The following FBXO6 variants were observed in gnomAD, a reference collection of about 807,000 sequenced individuals.
FBXO6 encodes F-box protein 6.
Under a neutral mutation model 25.0 loss-of-function variants are expected in FBXO6, and 13 were observed. The observed-to-expected ratio is 0.52, with a 90% CI of 0.34 to 0.83. FBXO6 has a LOEUF of 0.83. Ranked by LOEUF, FBXO6 falls within the 40% of genes least tolerant of loss-of-function variation. The probability of loss-of-function intolerance (pLI) is 0.02; values close to 1 mark genes in which losing one functional copy is unlikely to be tolerated. For synonymous variants in FBXO6, 138 were observed against 155.3 expected (o/e 0.89, Z 0.83); for missense variants, 370 against 380.2 (o/e 0.97, Z 0.22).
chr1:11,667,429 T>C (rs562986164), intron 1 of FBXO6, among the ~76,000 whole-genome samples: 1 of 152,302 alleles, frequency 6.6e-6, no homozygotes, highest in South Asian at 2.1e-4. Context: ...AGGACAGTGT[T>C]GAGAGCCGGT....
At chr1:11,665,750 G>A (rs1378425084) in intron 1 of FBXO6, among the ~76,000 whole-genome samples, 24 of 151,162 alleles carry the variant, frequency 1.6e-4, no homozygotes, top group Admixed American at 1.3e-3. Flanking sequence ...TAGTAGAGAC[G>A]GGGTTTCGCC....
chr1:11,665,770 A>G (rs932250567), intron 1 of FBXO6, among the ~76,000 whole-genome samples: 1 of 151,546 alleles, frequency 6.6e-6, no homozygotes, highest in African/African-American at 2.4e-5. Context: ...CATATTGGCC[A>G]GGCTGGTCTC....
intron 1 of FBXO6, among the ~76,000 whole-genome samples, chr1:11,665,255 C>T (rs1345113211): frequency 6.1e-5 from 6 of 98,280 alleles, no homozygotes; most frequent in Admixed American, 4.7e-4. Context: ...GACGGAGTGT[C>T]GCTCTGTCGC....
Position 11,671,374 on chromosome 1 carries a change from A to G in FBXO6, c.395A>G (p.Tyr132Cys), listed in dbSNP as rs979862236. The G allele has an allele frequency of 5.6e-6, 9 of 1,613,878 alleles. No homozygotes were observed. The highest frequency in any genetic ancestry group is 2.2e-5 in the East Asian group (1 of 44,884). ...TTTCCTGACCCCAAAGTCAAGAAGTATTTTGTCACATCCTACGAGTAAGGC... is the reference window on the plus strand; with the variant it reads ...TTTCCTGACCCCAAAGTCAAGAAGTGTTTTGTCACATCCTACGAGTAAGGC... ...TDFPDPKVKK[Y>C]FVTSYEMCLK... The change falls in exon 3 of 6, where the codon TAT becomes TGT. Residue 132 changes from tyrosine to cysteine, a missense_variant. Tyr to Cys is a radical substitution (Grantham distance 194). Transcript: ENST00000376753.
intron 1 of FBXO6, among the ~76,000 whole-genome samples, chr1:11,666,037 CTTTT>C (rs70983580): frequency 5.8e-4 from 56 of 97,354 alleles, no homozygotes; most frequent in African/African-American, 1.8e-3. Context: ...TTTCTTTTCT[CTTTT>C]TTTTTTTTTT....
Position 11,673,537 on chromosome 1 carries a change from C to A in FBXO6, c.646-78C>A. 6.4e-7 allele frequency: 1 copy of A among 1,571,130 alleles called. No homozygotes were observed. The highest frequency in any genetic ancestry group is 8.7e-7 in the Non-Finnish European group (1 of 1,152,270). ...TGGAGCTGTTGCCTTCCAGCCTGGG[C>A]AGCTCTCTTAGAGGACCTGGCTCCT... On this transcript the variant is annotated intron_variant, in intron 5 of 5. Coordinates refer to ENST00000376753, the MANE Select transcript of FBXO6 (RefSeq NM_018438.6). The surrounding 1 kb of genome is among the most constrained non-coding windows in gnomAD (Gnocchi z 4.3).
chr1:11,668,894 A>C lies in FBXO6; in HGVS notation c.236A>C (p.Tyr79Ser), dbSNP rs1194101578. 1 of 1,614,060 alleles carries C rather than the reference A, an allele frequency of 6.2e-7. No individual in the cohort carries two copies. Among genetic ancestry groups the C allele is most frequent in the South Asian group, 1.1e-5 (1 of 91,086 alleles). ...CCCGTGGCCGACTGGAAAATCTTCT[A>C]CTTCCTACGGAGCCTGCATAGGAAC... ...DQPVADWKIFYFLRSLHRNLL... is the reference protein window; with the variant it reads ...DQPVADWKIFSFLRSLHRNLL... Residue 79 changes from tyrosine (Y) to serine (S), a missense_variant, in exon 2 of 6, where the codon TAC becomes TCC. Tyr to Ser is a moderately radical substitution (Grantham distance 144). Transcript: ENST00000376753.
chr1:11,674,061 T>C lies in FBXO6; in HGVS notation c.*210T>C, dbSNP rs1201560217. ...GGCTCACGCCTGTAATCCCAGCACTTTGGGAGACCGAGGCAGGTGGATCAC... is the reference window on the plus strand; with the variant it reads ...GGCTCACGCCTGTAATCCCAGCACTCTGGGAGACCGAGGCAGGTGGATCAC... On this transcript the variant is annotated 3_prime_UTR_variant, in exon 6 of 6. Coordinates refer to ENST00000376753, the MANE Select transcript of FBXO6 (RefSeq NM_018438.6). The surrounding 1 kb of genome is among the most constrained non-coding windows in gnomAD (Gnocchi z 6.1). 3 of 538,724 alleles carry C rather than the reference T, an allele frequency of 5.6e-6. No homozygotes were observed. In the East Asian group the frequency reaches 9.8e-5, roughly 18 times the overall value. 33.4% of individuals were successfully genotyped at this position (538,724 alleles called of 1,614,324 possible).
chr1:11,668,497 A>G (rs1640508694), intron 1 of FBXO6, among the ~76,000 whole-genome samples, 159 bp from the exon 2 acceptor site: 1 of 151,524 alleles, frequency 6.6e-6, no homozygotes, highest in South Asian at 2.1e-4. Flanking sequence ...TCCCAGGCTC[A>G]AGGGATCCTC....
intron 1 of FBXO6, among the ~76,000 whole-genome samples, chr1:11,666,615 C>G (rs1277644178): frequency 6.6e-6 from 1 of 152,038 alleles, no homozygotes; most frequent in African/African-American, 2.4e-5. Flanking sequence ...AACTTCTGAC[C>G]TTGTGATCCG....
chr1:11,665,876 G>C (rs1012174711), intron 1 of FBXO6, among the ~76,000 whole-genome samples: 1 of 102,646 alleles, frequency 9.7e-6, no homozygotes, highest in Admixed American at 9.9e-5. Flanking sequence ...TTTTTTTCTA[G>C]AGACAGAGTC....
At chr1:11,669,666 G>GTATATATATGTATA (rs1161301136) in intron 2 of FBXO6, among the ~76,000 whole-genome samples, 5,391 of 104,870 alleles carry the variant, frequency 0.051, 330 homozygotes, top group African/African-American at 0.17. Flanking sequence ...ATATACACAT[G>GTATATATATGTATA]TATATATGTA....
chr1:11,670,753 G>A (rs546247974), intron 2 of FBXO6, among the ~76,000 whole-genome samples: 3 of 152,148 alleles, frequency 2.0e-5, no homozygotes, highest in East Asian at 1.9e-4. Flanking sequence ...CACCGTGCCC[G>A]GCTTCACATT....
chr1:11,669,719 T>C (rs1045387920), intron 2 of FBXO6, among the ~76,000 whole-genome samples: 12 of 128,606 alleles, frequency 9.3e-5, no homozygotes, highest in Admixed American at 1.7e-4. Context: ...TATATGTGTA[T>C]ACATATATAC....
chr1:11,664,493 G>C (rs950779634), intron 1 of FBXO6: 2 of 148,364 alleles, frequency 1.3e-5, no homozygotes, highest in Non-Finnish European at 3.0e-5. Context: ...GGCGTTCACG[G>C]AGCCTGCGGG....
At chr1:11,671,847 C>T (rs1640624025) in intron 3 of FBXO6, 81 bp from the exon 4 acceptor site, 6 of 1,295,316 alleles carry the variant, frequency 4.6e-6, no homozygotes, top group Non-Finnish European at 6.6e-6. Context: ...CCTGGGCTCA[C>T]AGGGGCTGCC....
At chr1:11,669,331 C>T (rs924435579) in intron 2 of FBXO6, among the ~76,000 whole-genome samples, 1 of 152,148 alleles carries the variant, frequency 6.6e-6, no homozygotes, top group African/African-American at 2.4e-5. Context: ...GGCATGCTGG[C>T]CCACGCCTAC....
rs1044033497 is a variant in FBXO6 at position 11,670,863 on chromosome 1, G to C, written c.287-403G>C. On this transcript the variant is annotated intron_variant, in intron 2 of 5. Coordinates refer to ENST00000376753, the MANE Select transcript of FBXO6 (RefSeq NM_018438.6). ...CCACCGCAACATGGAAGTGAGGAAG[G>C]GGTTGGTTTAGAATTTCTGGTAACA... Among the ~76,000 whole-genome samples, 6 of 152,322 alleles carry C rather than the reference G, an allele frequency of 3.9e-5. No homozygotes were observed. The East Asian group carries it at 1.2e-3, about 29-fold the overall frequency.
At chr1:11,667,958 G>A (rs1193792500) in intron 1 of FBXO6, among the ~76,000 whole-genome samples, 3 of 152,048 alleles carry the variant, frequency 2.0e-5, no homozygotes, top group African/African-American at 7.2e-5. Context: ...TGGGTATGGT[G>A]GCATGCGCCT....
Sources: gnomAD v4.1 joint callset for allele counts (sites outside exome capture counted in the v4.1 genomes callset) on GRCh38, gnomAD v4.1.1 for gene constraint, Gnocchi (gnomAD v3.1) non-coding constraint, MANE v1.5 for transcripts, NCBI Gene and HGNC (gene_info 2026-07-23, HGNC 2026-07-21) for gene names.